GPC6: variants seen among roughly 807,000 people sequenced by gnomAD.
The protein encoded by GPC6 is glypican-6.
Under a neutral mutation model 55.2 loss-of-function variants are expected in GPC6, and 14 were observed. The ratio of observed to expected loss-of-function variants is 0.25; its 90% confidence interval spans 0.17 to 0.40. The LOEUF (loss-of-function observed/expected upper bound fraction) is 0.40. Ranked by LOEUF, GPC6 falls within the 10% of genes least tolerant of loss-of-function variation. GPC6 has a pLI of 1.00. For missense variants in GPC6, 641 were observed against 708.5 expected (o/e 0.90, Z 1.08); for synonymous variants, 278 against 259.6 (o/e 1.07, Z -0.68).
intron 4 of GPC6, among the ~76,000 whole-genome samples, chr13:94,153,373 TAAGA>T (rs1887812230): frequency 6.6e-6 from 1 of 152,144 alleles, no homozygotes. Context: ...TCTTAACAAA[TAAGA>T]GAATTATGAA....
At chr13:94,170,342 T>G (rs1191916018) in intron 4 of GPC6, among the ~76,000 whole-genome samples, 1 of 152,214 alleles carries the variant, frequency 6.6e-6, no homozygotes, top group Non-Finnish European at 1.5e-5. Flanking sequence ...CGTGCTAACT[T>G]GGGCTTTCTG....
intron 2 of GPC6, among the ~76,000 whole-genome samples, chr13:93,628,561 G>A (rs1879302122): frequency 6.6e-6 from 1 of 152,142 alleles, no homozygotes; most frequent in South Asian, 2.1e-4. Flanking sequence ...AGATTGGGTT[G>A]TACAATTGGG....
At chr13:93,482,526 TAATCA>T (rs1481254015) in intron 1 of GPC6, among the ~76,000 whole-genome samples, 5 of 152,152 alleles carry the variant, frequency 3.3e-5, no homozygotes, top group Admixed American at 1.3e-4. Context: ...CAGTTTATAT[TAATCA>T]AATCAAAAGT....
chr13:93,516,401 C>A (rs1881192927), intron 1 of GPC6, among the ~76,000 whole-genome samples: 2 of 152,054 alleles, frequency 1.3e-5, no homozygotes, highest in Non-Finnish European at 2.9e-5. Flanking sequence ...CTGGAATATG[C>A]AGGGAAGAAT....
At chr13:93,878,972 A>C (rs1874778692) in intron 3 of GPC6, among the ~76,000 whole-genome samples, 1 of 152,130 alleles carries the variant, frequency 6.6e-6, no homozygotes, top group Non-Finnish European at 1.5e-5. Context: ...GAGAAGGAAG[A>C]AACAAGAAAG....
chr13:93,861,976 A>C (rs1209055456), intron 3 of GPC6, among the ~76,000 whole-genome samples: 2 of 151,622 alleles, frequency 1.3e-5, no homozygotes, highest in East Asian at 3.9e-4. Context: ...CTAGGATTTC[A>C]TGAGTCACCA....
At chr13:93,834,155 A>G (rs1019230951) in intron 3 of GPC6, among the ~76,000 whole-genome samples, 2 of 152,210 alleles carry the variant, frequency 1.3e-5, no homozygotes, top group Admixed American at 1.3e-4. Flanking sequence ...AAACTGTTAC[A>G]TGTGCATACA....
chr13:94,373,361 G>A (rs1036246172), intron 6 of GPC6, among the ~76,000 whole-genome samples: 3 of 151,936 alleles, frequency 2.0e-5, no homozygotes, highest in Non-Finnish European at 4.4e-5. Flanking sequence ...ATACAGAGAA[G>A]TGCTTAAAGG....
chr13:94,244,499 A>C (rs933749262), intron 4 of GPC6, among the ~76,000 whole-genome samples: 2 of 152,180 alleles, frequency 1.3e-5, no homozygotes, highest in Non-Finnish European at 2.9e-5. Context: ...AGGAGAGGAA[A>C]TAAGGAATAA....
At chr13:93,742,790 G>A (rs1241487055) in intron 2 of GPC6, among the ~76,000 whole-genome samples, 1 of 152,132 alleles carries the variant, frequency 6.6e-6, no homozygotes, top group African/African-American at 2.4e-5. Context: ...CAATATTCAA[G>A]TGCTTTCAAC....
chr13:94,397,307 GAGTC>G (rs1880936035), intron 7 of GPC6, among the ~76,000 whole-genome samples: 1 of 151,968 alleles, frequency 6.6e-6, no homozygotes, highest in South Asian at 2.1e-4. Flanking sequence ...TGAGAGTAAG[GAGTC>G]AGAGAGGGCC....
intron 1 of GPC6, among the ~76,000 whole-genome samples, chr13:93,544,098 A>G (rs1364615397): frequency 1.3e-5 from 2 of 151,648 alleles, no homozygotes; most frequent in African/African-American, 4.8e-5. Flanking sequence ...ATTGTTGGAC[A>G]TTTGAGTGTC....
At chr13:93,773,772 T>C (rs1885375898) in intron 2 of GPC6, among the ~76,000 whole-genome samples, 1 of 152,208 alleles carries the variant, frequency 6.6e-6, no homozygotes, top group African/African-American at 2.4e-5. Flanking sequence ...GTTTAGACTT[T>C]AATAACAAGC....
intron 7 of GPC6, among the ~76,000 whole-genome samples, chr13:94,397,175 G>A (rs1880929647): frequency 6.6e-6 from 1 of 151,988 alleles, no homozygotes; most frequent in African/African-American, 2.4e-5. Context: ...AGGGCATTGG[G>A]GAGGTCACTT....
chr13:93,444,101 G>A (rs1877906933), intron 1 of GPC6, among the ~76,000 whole-genome samples: 1 of 150,670 alleles, frequency 6.6e-6, no homozygotes, highest in Non-Finnish European at 1.5e-5. Context: ...TCTGTTTATT[G>A]ATTATGTTCA....
In GPC6 at chr13:93,273,587, G is replaced by A. The variant is rs1318836475; in HGVS notation, c.160+45971G>A. Among the ~76,000 whole-genome samples the A allele has an allele frequency of 4.6e-5, 7 of 152,164 alleles. No homozygotes were observed. In the East Asian group the frequency reaches 9.8e-4, roughly 21 times the overall value. On this transcript the variant is annotated intron_variant, in intron 1 of 8. Transcript: ENST00000377047. ...GCAGGAGAATGGCATGAACCCGGGA[G>A]GCGGAGCTTGCAGTGAACCGAGATT...
intron 2 of GPC6, among the ~76,000 whole-genome samples, chr13:93,737,629 G>A (rs943769337): frequency 1.3e-5 from 2 of 152,076 alleles, no homozygotes; most frequent in Non-Finnish European, 2.9e-5. Context: ...AATAGAAGAT[G>A]AGTGAATAAC....
At chr13:94,043,204 G>A (rs1194446817) in intron 4 of GPC6, among the ~76,000 whole-genome samples, 1 of 151,686 alleles carries the variant, frequency 6.6e-6, no homozygotes, top group Non-Finnish European at 1.5e-5. Context: ...TCCTTTATTG[G>A]AGAATGGTAT....
At chr13:93,993,301 T>TC in intron 3 of GPC6, among the ~76,000 whole-genome samples, 1 of 151,690 alleles carries the variant, frequency 6.6e-6, no homozygotes, top group East Asian at 1.9e-4. Flanking sequence ...CTTTCTTTTT[T>TC]TTTTTTTTTG....
Sources: gnomAD v4.1 joint callset for allele counts (sites outside exome capture counted in the v4.1 genomes callset) on GRCh38, gnomAD v4.1.1 for gene constraint, MANE v1.5 for transcripts, NCBI Gene and HGNC (gene_info 2026-07-23, HGNC 2026-07-21) for gene names.